The following UBE2E1 variants were observed in gnomAD, a reference collection of about 807,000 sequenced individuals.
The protein encoded by UBE2E1 is ubiquitin conjugating enzyme E2 E1.
UBE2E1 carries 6 observed loss-of-function variants against 21.4 expected under a neutral mutation model. The observed-to-expected ratio is 0.28, with a 90% CI of 0.15 to 0.55. The LOEUF (loss-of-function observed/expected upper bound fraction) is 0.55. Among genes scored for constraint, UBE2E1 ranks in the 20% least tolerant of loss-of-function variants. The pLI, the probability that UBE2E1 is intolerant of heterozygous loss-of-function variation, is 0.93. For missense variants in UBE2E1, 142 were observed against 236.5 expected (o/e 0.60, Z 2.62); for synonymous variants, 87 against 82.7 (o/e 1.05, Z -0.28).
chr3:23,881,503 A>G (rs1398520275), intron 3 of UBE2E1, among the ~76,000 whole-genome samples: 1 of 152,140 alleles, frequency 6.6e-6, no homozygotes, highest in East Asian at 1.9e-4. Flanking sequence ...AAACACGGAT[A>G]AGTGGGTTTT....
intron 3 of UBE2E1, among the ~76,000 whole-genome samples, chr3:23,854,519 T>C (rs1358982053): frequency 6.6e-6 from 1 of 152,228 alleles, no homozygotes; most frequent in Non-Finnish European, 1.5e-5. Flanking sequence ...TGAAGCCTTC[T>C]CATGGCCTTT....
rs1553637704 is a variant in UBE2E1, at chr3:23,842,198, G to GGGT, written c.203+30689_203+30690insGTG. The stretch of plus-strand genomic sequence containing the variant: ...TATGTCATGACCCAGTAAGTGAAGG[G>GGGT]GTGTGTGTGTGTGTGTGTGTGTGTG... On this transcript the variant is annotated intron_variant, in intron 3 of 5. Coordinates refer to ENST00000306627, the MANE Select transcript of UBE2E1 (RefSeq NM_003341.5). This position sits in a 1 kb window ranked among gnomAD's most constrained non-coding sequence, Gnocchi z 4.6. Among the ~76,000 whole-genome samples the GGGT allele has an allele frequency of 1.8e-4, 19 of 104,358 alleles. No individual in the cohort carries two copies. Among genetic ancestry groups the GGGT allele is most frequent in the East Asian group, 1.2e-3 (4 of 3,372 alleles). 68.5% of individuals were successfully genotyped at this position (104,358 alleles called of 152,430 possible).
chr3:23,869,920 T>G (rs979237588), intron 3 of UBE2E1, among the ~76,000 whole-genome samples: 1 of 152,112 alleles, frequency 6.6e-6, no homozygotes, highest in Admixed American at 6.5e-5. Context: ...CAAAATATTC[T>G]AAACAAAAAC....
chr3:23,858,835 A>G (rs1443069936), intron 3 of UBE2E1, among the ~76,000 whole-genome samples: 1 of 152,158 alleles, frequency 6.6e-6, no homozygotes, highest in Non-Finnish European at 1.5e-5. Context: ...GAAAGCTGGC[A>G]TGCTATCTGC....
At chr3:23,874,565 C>T (rs1207184325) in intron 3 of UBE2E1, among the ~76,000 whole-genome samples, 3 of 152,162 alleles carry the variant, frequency 2.0e-5, no homozygotes. Flanking sequence ...AGATTCCAGA[C>T]ACCCAAGCTC....
At position 23,816,444 on chromosome 3, in the gene UBE2E1, C is replaced by G. The variant is rs996381660; in HGVS notation, c.203+4934C>G. On this transcript the variant is annotated intron_variant, in intron 3 of 5. Coordinates refer to ENST00000306627, the MANE Select transcript of UBE2E1 (RefSeq NM_003341.5). The surrounding 1 kb of genome is among the most constrained non-coding windows in gnomAD (Gnocchi z 4.8). ...TAAGTGGGCTGGGCGCAGTGGATTA[C>G]GCTTGTAATCCCAGCACTTTGGGAG... Among the ~76,000 whole-genome samples the G allele has an allele frequency of 2.0e-5, 3 of 152,144 alleles. No homozygotes were observed. The highest frequency in any genetic ancestry group is 1.9e-4 in the East Asian group (1 of 5,190).
chr3:23,852,717 C>A (rs561366752), intron 3 of UBE2E1, among the ~76,000 whole-genome samples: 1 of 152,332 alleles, frequency 6.6e-6, no homozygotes, highest in South Asian at 2.1e-4. Context: ...ACCTCAGCCT[C>A]CCCAGTAGCT....
At chr3:23,846,650 C>T (rs538069588) in intron 3 of UBE2E1, among the ~76,000 whole-genome samples, 28 of 136,634 alleles carry the variant, frequency 2.0e-4, no homozygotes, top group African/African-American at 3.1e-4. Flanking sequence ...GAGCTGAGAT[C>T]GTGCCACTGC....
chr3:23,879,345 T>C (rs1325652632), intron 3 of UBE2E1: 1 of 660,786 alleles, frequency 1.5e-6, no homozygotes, highest in South Asian at 1.4e-5. Context: ...GTTAAATCTT[T>C]TGGTAGGTAC....
rs1700112376 is a variant in UBE2E1 at position 23,842,282 on chromosome 3, C to T, written c.203+30772C>T. Among the ~76,000 whole-genome samples, 1 of 138,494 alleles carries T rather than the reference C, an allele frequency of 7.2e-6. No homozygotes were observed. Among genetic ancestry groups the T allele is most frequent in the Non-Finnish European group, 1.5e-5 (1 of 64,988 alleles). The allele number at this position is 138,494 out of a possible 152,430, so 90.9% of individuals were successfully genotyped here. On this transcript the variant is annotated intron_variant, in intron 3 of 5. Coordinates refer to ENST00000306627, the MANE Select transcript of UBE2E1 (RefSeq NM_003341.5). The surrounding 1 kb of genome is among the most constrained non-coding windows in gnomAD (Gnocchi z 4.6). ...TGTTGTTGGCGACAGGGTCTCAATT[C>T]GTCGCCTAGGCTGGGATGCAGTGGT...
In UBE2E1 at chr3:23,860,040, C is replaced by A. The variant is rs377399207; in HGVS notation, c.204-27527C>A. On this transcript the variant is annotated intron_variant, in intron 3 of 5. Transcript: ENST00000306627. ...TCCTGTGTGCAGGTTTTGCACACAG[C>A]AGATGTGTAAGGATGTCTTGAAATA... Among the ~76,000 whole-genome samples the A allele has an allele frequency of 3.3e-5, 5 of 152,278 alleles. No individual in the cohort carries two copies. In the East Asian group the frequency reaches 9.7e-4, roughly 29 times the overall value.
intron 3 of UBE2E1, chr3:23,879,194 A>G: frequency 2.3e-6 from 2 of 871,316 alleles, no homozygotes; most frequent in Non-Finnish European, 3.5e-6. Context: ...TTCCACATCT[A>G]GAGTCCACAA....
intron 3 of UBE2E1, among the ~76,000 whole-genome samples, chr3:23,847,206 A>G (rs1471267921): frequency 1.3e-5 from 2 of 152,224 alleles, no homozygotes; most frequent in Non-Finnish European, 2.9e-5. Context: ...TGGGCAAACC[A>G]GGACATGTAG....
chr3:23,869,398 G>T (rs1163674073), intron 3 of UBE2E1, among the ~76,000 whole-genome samples: 3 of 101,012 alleles, frequency 3.0e-5, no homozygotes, highest in African/African-American at 5.4e-5. Context: ...TTTTTATGTA[G>T]TCAGATCTGT....
At chr3:23,858,445 G>A (rs996271410) in intron 3 of UBE2E1, among the ~76,000 whole-genome samples, 1 of 151,978 alleles carries the variant, frequency 6.6e-6, no homozygotes, top group Non-Finnish European at 1.5e-5. Context: ...TCAGCCTCCC[G>A]AGTAGCTGGG....
At chr3:23,819,688 C>A (rs982370877) in intron 3 of UBE2E1, among the ~76,000 whole-genome samples, 3 of 152,160 alleles carry the variant, frequency 2.0e-5, no homozygotes, top group Non-Finnish European at 4.4e-5. Context: ...TTACCCTCTT[C>A]AGAAAATAGT....
intron 3 of UBE2E1, 115 bp downstream of exon 3, chr3:23,811,625 C>A: frequency 2.1e-6 from 2 of 963,930 alleles, no homozygotes; most frequent in East Asian, 2.6e-5. Context: ...TGTTATGGCA[C>A]TAACATCACG....
intron 3 of UBE2E1, chr3:23,879,197 G>T: frequency 1.1e-6 from 1 of 886,368 alleles, no homozygotes; most frequent in Non-Finnish European, 1.7e-6. Context: ...CACATCTAGA[G>T]TCCACAACAA....
At chr3:23,840,292 G>A (rs193179788) in intron 3 of UBE2E1, among the ~76,000 whole-genome samples, 3 of 152,176 alleles carry the variant, frequency 2.0e-5, no homozygotes, top group African/African-American at 7.2e-5. Context: ...TCTATTGATT[G>A]GTTTTTTACC....
Sources: allele counts gnomAD v4.1 joint callset (sites outside exome capture counted in the v4.1 genomes callset), GRCh38; gene constraint gnomAD v4.1.1; non-coding constraint Gnocchi (gnomAD v3.1); transcripts MANE v1.5; gene names NCBI Gene and HGNC (gene_info 2026-07-23, HGNC 2026-07-21).